The following PDZD2 variants were observed in gnomAD, a reference collection of about 807,000 sequenced individuals.
PDZD2 encodes PDZ domain containing 2.
In PDZD2, 90 loss-of-function variants were observed where a neutral mutation model predicts 220.7. The ratio of observed to expected loss-of-function variants is 0.41; its 90% CI spans 0.34 to 0.49. PDZD2 has a LOEUF of 0.49. PDZD2 is among the 20% of genes least tolerant of loss of function. PDZD2 has a pLI of 0.28. For missense variants in PDZD2, 3,174 were observed against 3,608.5 expected, an observed-to-expected ratio of 0.88 and a Z score of 3.08; for synonymous variants, 1,375 against 1,450.5, an observed-to-expected ratio of 0.95 and a Z score of 1.18.
At chr5:31,953,009 GA>G (rs1435733788) in intron 2 of PDZD2, among the ~76,000 whole-genome samples, 1 of 146,508 alleles carries the variant, frequency 6.8e-6, no homozygotes, top group Non-Finnish European at 1.5e-5. Context: ...AGTGAGTCAT[GA>G]TCGTGCCACT....
chr5:31,667,376 G>T (rs1746037632), intron 1 of PDZD2, among the ~76,000 whole-genome samples: 2 of 152,062 alleles, frequency 1.3e-5, no homozygotes, highest in African/African-American at 4.8e-5. Context: ...GAGGTGGGAG[G>T]ACAGACACGA....
intron 6 of PDZD2, among the ~76,000 whole-genome samples, chr5:32,016,578 C>T (rs1434147756): frequency 6.6e-6 from 1 of 152,152 alleles, no homozygotes; most frequent in African/African-American, 2.4e-5. Context: ...TGTTCTTCCC[C>T]TGAGGCCTTG....
chr5:31,685,953 C>T (rs1423315773), intron 1 of PDZD2, among the ~76,000 whole-genome samples: 1 of 152,022 alleles, frequency 6.6e-6, no homozygotes, highest in South Asian at 2.1e-4. Flanking sequence ...GTAATCCCAG[C>T]ACTTTGGGAG....
intron 2 of PDZD2, among the ~76,000 whole-genome samples, chr5:31,951,353 C>G (rs1452670652): frequency 6.6e-6 from 1 of 152,180 alleles, no homozygotes; most frequent in Non-Finnish European, 1.5e-5. Context: ...CAGGGTTGAG[C>G]CACTGCACCT....
intron 2 of PDZD2, among the ~76,000 whole-genome samples, chr5:31,808,208 A>G (rs1754851678): frequency 1.3e-5 from 2 of 152,202 alleles, no homozygotes; most frequent in African/African-American, 2.4e-5. Context: ...AGGACTGGAT[A>G]TATAGTAAGA....
chr5:31,848,885 TA>T (rs1757752513), intron 2 of PDZD2, among the ~76,000 whole-genome samples: 1 of 151,844 alleles, frequency 6.6e-6, no homozygotes, highest in Admixed American at 6.6e-5. Context: ...CCGTCTCTAC[TA>T]AAAATACAAA....
At position 31,827,937 on chromosome 5, in the gene PDZD2, A is replaced by G. The variant is rs1023263636; in HGVS notation, c.476+28213A>G. On this transcript the variant is annotated intron_variant, in intron 2 of 24. Coordinates refer to ENST00000438447, the MANE Select transcript of PDZD2 (RefSeq NM_178140.4). The stretch of plus-strand genomic sequence containing the variant: ...CTGGAAACCTACTTTCTGTTCCTAT[A>G]GATTTACCTATTCCAGATATTTCAG... 3.3e-5 allele frequency among the ~76,000 whole-genome samples: 5 copies of G among 152,176 alleles called. No individual in the cohort carries two copies. In the East Asian group the frequency reaches 7.7e-4, roughly 23 times the overall value.
At chr5:31,720,664 T>A (rs1338756632) in intron 1 of PDZD2, among the ~76,000 whole-genome samples, 1 of 152,168 alleles carries the variant, frequency 6.6e-6, no homozygotes, top group East Asian at 1.9e-4. Context: ...AAAAAGCATA[T>A]GATCTAGCAT....
chr5:32,082,095 C>T (rs764647924), intron 19 of PDZD2, among the ~76,000 whole-genome samples: 6 of 149,858 alleles, frequency 4.0e-5, no homozygotes, highest in Non-Finnish European at 5.9e-5. Flanking sequence ...GATCTTGGCT[C>T]ACTGCAACCT....
chr5:32,092,489 T>G (rs990866190), intron 20 of PDZD2, among the ~76,000 whole-genome samples: 1 of 151,894 alleles, frequency 6.6e-6, no homozygotes, highest in Admixed American at 6.6e-5. Flanking sequence ...CGAGAATAGC[T>G]TGAACCCAGG....
At chr5:31,973,699 T>C (rs2049491531) in intron 2 of PDZD2, among the ~76,000 whole-genome samples, 1 of 152,220 alleles carries the variant, frequency 6.6e-6, no homozygotes, top group African/African-American at 2.4e-5. Flanking sequence ...CCTCTTAATA[T>C]AATTCTACCT....
In PDZD2 at chr5:31,879,457, A is replaced by AT. The variant is rs76979945; in HGVS notation, c.476+79742dup. Among the ~76,000 whole-genome samples, 99 of 150,198 alleles carry AT rather than the reference A, an allele frequency of 6.6e-4. No homozygotes were observed. The East Asian group carries it at 9.4e-3, about 14-fold the overall frequency. On this transcript the variant is annotated intron_variant, in intron 2 of 24. Transcript: ENST00000438447. Reference sequence around the variant, plus strand: ...ACCCCAGCAAGTTGTCACACACACTATTTTTTTTTAGAGAATAAAGGCTAA... The same window carrying AT: ...ACCCCAGCAAGTTGTCACACACACTATTTTTTTTTTAGAGAATAAAGGCTAA...
rs1445486599 is a variant in PDZD2, at chr5:32,074,233, G to A, written c.3127G>A (p.Glu1043Lys). ...PLLGSSVDLE[E>K]SIPEGMVDAA... is the part of the protein sequence containing the mutation. ...TCTTGGTAGCTCAGTGGACTTAGAGGAGAGTATCCCAGAGGGCATGGTGGA... is the reference window on the plus strand; with the variant it reads ...TCTTGGTAGCTCAGTGGACTTAGAGAAGAGTATCCCAGAGGGCATGGTGGA... The change falls in exon 18 of 25, where the codon GAG becomes AAG. Residue 1043 changes from glutamate to lysine, a missense_variant. By Grantham distance (56) the Glu-to-Lys change is moderately conservative. This residue lies in a region of PDZD2 where 1,861 missense variants were observed against 2,001.0 expected (regional missense o/e 0.93). Coordinates refer to ENST00000438447, the MANE Select transcript of PDZD2 (RefSeq NM_178140.4). 6.2e-7 allele frequency: 1 copy of A among 1,614,232 alleles called. No individual in the cohort carries two copies. Among genetic ancestry groups the A allele is most frequent in the South Asian group, 1.1e-5 (1 of 91,088 alleles).
intron 1 of PDZD2, among the ~76,000 whole-genome samples, chr5:31,705,028 G>T (rs1302673131): frequency 6.6e-6 from 1 of 152,162 alleles, no homozygotes; most frequent in Non-Finnish European, 1.5e-5. Context: ...AGGTGTGGTG[G>T]CATATGCCTG....
chr5:31,872,891 C>T (rs1201267209), intron 2 of PDZD2, among the ~76,000 whole-genome samples: 1 of 152,070 alleles, frequency 6.6e-6, no homozygotes, highest in Non-Finnish European at 1.5e-5. Context: ...ACAAAAAAAC[C>T]TGCTAATGGC....
chr5:31,950,216 T>C (rs1388102035), intron 2 of PDZD2, among the ~76,000 whole-genome samples: 3 of 152,284 alleles, frequency 2.0e-5, no homozygotes, highest in African/African-American at 7.2e-5. Flanking sequence ...TGGGATCAGA[T>C]TCTGATCCAC....
chr5:31,729,354 C>T (rs1228162973), intron 1 of PDZD2, among the ~76,000 whole-genome samples: 1 of 151,868 alleles, frequency 6.6e-6, no homozygotes, highest in Non-Finnish European at 1.5e-5. Flanking sequence ...GCCTCGGCCT[C>T]CCAAAGTGCT....
chr5:31,889,023 C>G (rs1740775587), intron 2 of PDZD2, among the ~76,000 whole-genome samples: 1 of 152,168 alleles, frequency 6.6e-6, no homozygotes, highest in South Asian at 2.1e-4. Context: ...CGAGCCCCCT[C>G]CCCTATCACG....
At chr5:31,825,753 G>A (rs1387090575) in intron 2 of PDZD2, among the ~76,000 whole-genome samples, 1 of 152,178 alleles carries the variant, frequency 6.6e-6, no homozygotes, top group Non-Finnish European at 1.5e-5. Context: ...AGGAAAAGGT[G>A]TTTGAAATAA....
Sources: gnomAD v4.1 joint callset for allele counts (sites outside exome capture counted in the v4.1 genomes callset) on GRCh38, gnomAD v4.1.1 for gene constraint, gnomAD v4.1.1 regional missense constraint, MANE v1.5 for transcripts, NCBI Gene and HGNC (gene_info 2026-07-23, HGNC 2026-07-21) for gene names.